The following MEGF6 variants were observed in gnomAD, a reference collection of about 807,000 sequenced individuals.
MEGF6 encodes the protein multiple epidermal growth factor-like domains protein 6.
In MEGF6, 184 loss-of-function variants were observed where a neutral mutation model predicts 207.1. The observed-to-expected ratio is 0.89, with a 90% CI of 0.79 to 1.00. MEGF6 has a LOEUF of 1.00. Ranked by LOEUF, MEGF6 falls within the 50% of genes least tolerant of loss-of-function variation. The pLI, the probability that MEGF6 is intolerant of heterozygous loss-of-function variation, is 0.00. For missense variants in MEGF6, 2,282 were observed against 2,202.9 expected, an observed-to-expected ratio of 1.04 and a Z score of -0.72; for synonymous variants, 1,038 against 910.0, an observed-to-expected ratio of 1.14 and a Z score of -2.53.
Position 3,510,801 on chromosome 1 carries a change from C to T in MEGF6, c.1216G>A (p.Asp406Asn), listed in dbSNP as rs747784220. 17 of 1,608,130 alleles carry T rather than the reference C, an allele frequency of 1.1e-5. No homozygotes were observed. In the East Asian group the frequency reaches 2.0e-4, roughly 19 times the overall value. Residue 406 changes from aspartate to asparagine, a missense_variant, in exon 10 of 37, where the codon GAT becomes AAT. Transcript: ENST00000356575. ...GCYAGYRLSADGCGCEDVDEC... is the reference protein window; with the variant it reads ...GCYAGYRLSANGCGCEDVDEC... ...TGCTCACCCTCACAGCCGCAGCCAT[C>T]GGCACTGAGCCGGTAGCCGGCGTAG...
rs1217871408 is a variant in MEGF6 at position 3,594,991 on chromosome 1, C to T, written c.376+347G>A. ...GGAGCTGGGGGTGAGCGTGGTGTGG[C>T]AGGTAAACCCCGAACTAGGCTCAGG... On this transcript the variant is annotated intron_variant, in intron 3 of 36. Transcript: ENST00000356575. This position sits in a 1 kb window ranked among gnomAD's most constrained non-coding sequence, Gnocchi z 4.2. 6.6e-6 allele frequency among the ~76,000 whole-genome samples: 1 copy of T among 152,060 alleles called. No individual in the cohort carries two copies. Among genetic ancestry groups the T allele is most frequent in the African/African-American group, 2.4e-5 (1 of 41,392 alleles).
At chr1:3,514,302 C>A (rs1641459195) in intron 7 of MEGF6, among the ~76,000 whole-genome samples, 1 of 152,002 alleles carries the variant, frequency 6.6e-6, no homozygotes, top group South Asian at 2.1e-4. Flanking sequence ...AACACCTGGG[C>A]TCCCTGGCTC....
chr1:3,574,052 ACACCCGAGAGACCCC>A lies in MEGF6; in HGVS notation c.481+5758_481+5772del, dbSNP rs527728661. 5.2e-3 allele frequency among the ~76,000 whole-genome samples: 785 copies of A among 151,714 alleles called. 4 individuals are homozygous for A. The highest frequency in any genetic ancestry group is 8.6e-3 in the Non-Finnish European group (586 of 67,872). On this transcript the variant is annotated intron_variant, in intron 4 of 36. Transcript: ENST00000356575. ...CCTCCAGCCCACACCCGAGAGGCCC[ACACCCGAGAGACCCC>A]CACTGAGGGCCTCCTGCTTGAGGCA... is the stretch of plus-strand genomic sequence containing the variant.
intron 18 of MEGF6, 50 bp downstream of exon 18, chr1:3,501,746 G>A: frequency 6.3e-7 from 1 of 1,592,390 alleles, no homozygotes; most frequent in Non-Finnish European, 8.5e-7. Flanking sequence ...CCACCAGCTT[G>A]GAGCCGTGCA....
chr1:3,556,226 G>A lies in MEGF6; in HGVS notation c.481+23599C>T, dbSNP rs567495537. On this transcript the variant is annotated intron_variant, in intron 4 of 36. Coordinates refer to ENST00000356575, the MANE Select transcript of MEGF6 (RefSeq NM_001409.4). The surrounding 1 kb of genome is among the most constrained non-coding windows in gnomAD (Gnocchi z 4.4). Reference sequence around the variant, plus strand: ...AAGCCCCGTCAGGATTTCCCAGGATGGGGAGTGGGGCAGGGTCCCCATACA... The same window carrying A: ...AAGCCCCGTCAGGATTTCCCAGGATAGGGAGTGGGGCAGGGTCCCCATACA... Among the ~76,000 whole-genome samples the A allele has an allele frequency of 6.6e-5, 10 of 152,244 alleles. No individual in the cohort carries two copies. Among genetic ancestry groups the A allele is most frequent in the African/African-American group, 2.2e-4 (9 of 41,468 alleles).
At position 3,499,612 on chromosome 1, in the gene MEGF6, G is replaced by A. The variant is rs535091085; in HGVS notation, c.2941C>T (p.Arg981Cys). 2.5e-5 allele frequency: 39 copies of A among 1,586,032 alleles called. No individual in the cohort carries two copies. Among genetic ancestry groups the A allele is most frequent in the African/African-American group, 2.0e-4 (15 of 74,676 alleles). Reference sequence around the variant, plus strand: ...CTCTCGGCACAGCGGGGGCCCCGGCGGCCAGCGGGGCAGAGGCAGGAGCCA... The same window carrying A: ...CTCTCGGCACAGCGGGGGCCCCGGCAGCCAGCGGGGCAGAGGCAGGAGCCA... ...VNGSCLCPAG[R>C]RGPRCAETCP... The change falls in exon 23 of 37, where the codon CGC (arginine) becomes TGC (cysteine). Residue 981 changes from arginine to cysteine, a missense_variant. Coordinates refer to ENST00000356575, the MANE Select transcript of MEGF6 (RefSeq NM_001409.4).
intron 4 of MEGF6, among the ~76,000 whole-genome samples, chr1:3,526,498 A>G (rs549334550): frequency 1.3e-5 from 2 of 151,726 alleles, no homozygotes; most frequent in South Asian, 4.2e-4. Flanking sequence ...CCCAGGTTCA[A>G]GCGGTTCTCC....
intron 28 of MEGF6, 34 bp downstream of exon 28, chr1:3,496,954 G>A: frequency 6.5e-7 from 1 of 1,544,570 alleles, no homozygotes; most frequent in South Asian, 1.2e-5. Flanking sequence ...AGGCAGCACT[G>A]CCGAGTCCCT....
intron 1 of MEGF6, among the ~76,000 whole-genome samples, chr1:3,605,563 C>T (rs914482271): frequency 2.6e-5 from 4 of 151,906 alleles, no homozygotes; most frequent in Non-Finnish European, 5.9e-5. Flanking sequence ...TACACTCATA[C>T]ACTCACATAC....
At chr1:3,575,698 T>C (rs1243520703) in intron 4 of MEGF6, among the ~76,000 whole-genome samples, 1 of 152,062 alleles carries the variant, frequency 6.6e-6, no homozygotes, top group Non-Finnish European at 1.5e-5. Context: ...TTATAAACCA[T>C]CAGATCTCAT....
chr1:3,531,872 C>T (rs1020419056), intron 4 of MEGF6, among the ~76,000 whole-genome samples: 8 of 152,160 alleles, frequency 5.3e-5, no homozygotes, highest in African/African-American at 1.9e-4. Context: ...GCTGGTGGGG[C>T]TGAACTCTGA....
chr1:3,576,339 T>C (rs1481599453), intron 4 of MEGF6, among the ~76,000 whole-genome samples: 2 of 152,204 alleles, frequency 1.3e-5, no homozygotes, highest in East Asian at 3.9e-4. Context: ...GAGCTGGGGC[T>C]GTGGGCAGCA....
At chr1:3,521,145 G>C (rs924426419) in intron 5 of MEGF6, among the ~76,000 whole-genome samples, 13 of 152,140 alleles carry the variant, frequency 8.5e-5, no homozygotes, top group South Asian at 2.1e-4. Context: ...TGGCAGGCCT[G>C]GGGGAGGGGC....
intron 4 of MEGF6, among the ~76,000 whole-genome samples, chr1:3,561,783 C>T (rs1023436906): frequency 6.6e-6 from 1 of 152,262 alleles, no homozygotes; most frequent in South Asian, 2.1e-4. Context: ...TGACTTCGCT[C>T]TCCTGACTTC....
intron 4 of MEGF6, among the ~76,000 whole-genome samples, chr1:3,576,152 C>T (rs1387216140): frequency 2.0e-5 from 3 of 152,268 alleles, no homozygotes; most frequent in East Asian, 1.9e-4. Context: ...CCGGGGAAGC[C>T]TTCACTGCAG....
chr1:3,492,642 C>A lies in MEGF6; in HGVS notation c.4513G>T (p.Glu1505Ter). ...TTCCCCAGGAAGCCCAGCTCACCTTCCCGGCACGTGGGCCCCATGTAGCCA... is the reference window on the plus strand; with the variant it reads ...TTCCCCAGGAAGCCCAGCTCACCTTACCGGCACGTGGGCCCCATGTAGCCA... ...VDGYMGPTCR[E>*]GGPLRLPENP... is the part of the protein sequence containing the mutation. Residue 1505 changes from glutamate to a stop codon, truncating the protein, a stop_gained, in exon 35 of 37, where the codon GAA becomes TAA. Coordinates refer to ENST00000356575, the MANE Select transcript of MEGF6 (RefSeq NM_001409.4). LOFTEE classifies it low-confidence loss of function (END_TRUNC). 6.2e-7 allele frequency: 1 copy of A among 1,609,854 alleles called. No homozygotes were observed. The highest frequency in any genetic ancestry group is 1.3e-5 in the African/African-American group (1 of 74,998).
chr1:3,500,795 G>A, intron 20 of MEGF6, 31 bp from the exon 21 acceptor site: 2 of 1,601,168 alleles, frequency 1.2e-6, no homozygotes, highest in South Asian at 2.2e-5. Flanking sequence ...ACCCGGCGCA[G>A]GCCCAAGCGC....
intron 2 of MEGF6, among the ~76,000 whole-genome samples, chr1:3,598,865 G>A (rs1644115791): frequency 6.6e-6 from 1 of 152,102 alleles, no homozygotes; most frequent in Non-Finnish European, 1.5e-5. Context: ...TCCTTCTCAG[G>A]GACCTTGCTC....
chr1:3,614,234 C>T (rs541864787), upstream of MEGF6, among the ~76,000 whole-genome samples: 4 of 152,324 alleles, frequency 2.6e-5, no homozygotes, highest in African/African-American at 9.6e-5. Flanking sequence ...ATCTCACCCC[C>T]TCCACCCTAA....
Sources: allele counts gnomAD v4.1 joint callset (sites outside exome capture counted in the v4.1 genomes callset), GRCh38; gene constraint gnomAD v4.1.1; non-coding constraint Gnocchi (gnomAD v3.1); transcripts MANE v1.5; gene names NCBI Gene and HGNC (gene_info 2026-07-23, HGNC 2026-07-21).